The following FAM83G variants were observed in gnomAD, a reference collection of about 807,000 sequenced individuals.
FAM83G encodes protein FAM83G.
FAM83G carries 38 observed loss-of-function variants against 61.5 expected under a neutral mutation model. The observed-to-expected ratio is 0.62, with a 90% CI of 0.48 to 0.81. The LOEUF is 0.81. Among genes scored for constraint, FAM83G ranks in the 30% least tolerant of loss-of-function variants. The pLI, the probability that FAM83G is intolerant of heterozygous loss-of-function variation, is 0.00. For missense variants in FAM83G, 989 were observed against 1,133.6 expected (o/e 0.87, Z 1.83); for synonymous variants, 470 against 476.1 (o/e 0.99, Z 0.17).
chr17:19,001,688 T>C (rs2043732405), intron 2 of FAM83G, among the ~76,000 whole-genome samples: 1 of 152,212 alleles, frequency 6.6e-6, no homozygotes, highest in Admixed American at 6.5e-5. Flanking sequence ...AGGTGGCTCA[T>C]GGGACTGTAC....
intron 3 of FAM83G, among the ~76,000 whole-genome samples, chr17:18,980,629 G>A (rs553163883): frequency 2.6e-5 from 4 of 152,318 alleles, no homozygotes; most frequent in South Asian, 2.1e-4. Context: ...TGTGAGGGAG[G>A]AGCAGATGGT....
At position 18,968,899 on chromosome 17, in the gene FAM83G, C is replaced by T. The variant is rs940779781; in HGVS notation, c.*2460G>A. ...AGGTCTTCCCCCAACCTCACAATGG[C>T]CCCGTGATGCAGGCAGGCAGGCGAG... On this transcript the variant is annotated 3_prime_UTR_variant, in exon 6 of 6. Transcript: ENST00000388995. This position sits in a 1 kb window ranked among gnomAD's most constrained non-coding sequence, Gnocchi z 4.1. 24 of 645,082 alleles carry T rather than the reference C, an allele frequency of 3.7e-5. No homozygotes were observed. The Admixed American group carries it at 4.1e-4, about 11-fold the overall frequency. The allele number at this position is 645,082 out of a possible 1,614,324, so 40.0% of individuals were successfully genotyped here.
At chr17:18,974,118 C>T (rs548227335) in intron 5 of FAM83G, among the ~76,000 whole-genome samples, 9 of 152,238 alleles carry the variant, frequency 5.9e-5, no homozygotes, top group Non-Finnish European at 4.4e-5. Flanking sequence ...GTCTCGAACT[C>T]CTGACCTCGT....
At position 18,977,748 on chromosome 17, in the gene FAM83G, C is replaced by T. The variant is rs572824194; in HGVS notation, c.1918G>A (p.Gly640Arg). Residue 640 changes from glycine (G) to arginine (R), a missense_variant, in exon 5 of 6, where the codon GGG (glycine) becomes AGG (arginine). Around this residue, in one of 3 missense-constraint regions of FAM83G, gnomAD observed 574 missense variants for 645.1 expected, o/e 0.89. Coordinates refer to ENST00000388995, the MANE Select transcript of FAM83G (RefSeq NM_001039999.3). ...TGCCGGCGCGGTGGTGGGGTTGGCCCGTTGGCCACTTGCTCTGAGTGGCGC... is the reference window on the plus strand; with the variant it reads ...TGCCGGCGCGGTGGTGGGGTTGGCCTGTTGGCCACTTGCTCTGAGTGGCGC... ...RRRHSEQVANGPTPPPRRQLS... is the reference protein window; with the variant it reads ...RRRHSEQVANRPTPPPRRQLS... The T allele has an allele frequency of 1.4e-4, 232 of 1,605,686 alleles. 1 individual carries two copies. Among genetic ancestry groups the T allele is most frequent in the East Asian group, 5.4e-4 (24 of 44,818 alleles).
chr17:18,976,697 A>T (rs987664329), intron 5 of FAM83G: 4 of 937,970 alleles, frequency 4.3e-6, no homozygotes, highest in African/African-American at 3.3e-5. Flanking sequence ...TGGGACCCTG[A>T]CAGTATTGGG....
intron 3 of FAM83G, among the ~76,000 whole-genome samples, chr17:18,980,360 C>A (rs989475256): frequency 3.3e-5 from 5 of 152,124 alleles, no homozygotes; most frequent in Admixed American, 3.3e-4. Flanking sequence ...CACTGTTTGG[C>A]CCAGGAGCAG....
At chr17:18,986,107 C>T (rs866664738) in intron 3 of FAM83G, 7 of 152,278 alleles carry the variant, frequency 4.6e-5, no homozygotes, top group African/African-American at 7.2e-5. Context: ...GCCAGTGAGC[C>T]GTGTGGGCAG....
Position 18,978,985 on chromosome 17 carries a change from G to A in FAM83G, c.816-135C>T, listed in dbSNP as rs1472577704. 6.1e-6 allele frequency: 6 copies of A among 986,058 alleles called. No homozygotes were observed. The East Asian group carries it at 7.8e-5, about 13-fold the overall frequency. The allele number at this position is 986,058 out of a possible 1,614,324, so 61.1% of individuals were successfully genotyped here. ...ATCAAGAAGTGAATGGGGGCAGAGAGCAGGTGCATACTGTGGGGTCAGACT... is the reference window on the plus strand; with the variant it reads ...ATCAAGAAGTGAATGGGGGCAGAGAACAGGTGCATACTGTGGGGTCAGACT... On this transcript the variant is annotated intron_variant, in intron 4 of 5. Transcript: ENST00000388995.
intron 2 of FAM83G, among the ~76,000 whole-genome samples, chr17:18,994,172 A>G (rs145961865): frequency 1.2e-3 from 177 of 152,346 alleles, no homozygotes; most frequent in African/African-American, 4.2e-3. Flanking sequence ...TGATGGAATA[A>G]CAGAGACGGA....
At chr17:18,998,073 C>T (rs1381211150) in intron 2 of FAM83G, among the ~76,000 whole-genome samples, 2 of 152,240 alleles carry the variant, frequency 1.3e-5, no homozygotes, top group East Asian at 3.8e-4. Flanking sequence ...CTTCCCACCA[C>T]CCCACATGGC....
chr17:18,969,153 C>CACA lies in FAM83G; in HGVS notation c.*2205_*2206insTGT. ...TCGGCATCACAGCCCTGTACACCAT[C>CACA]GCAGGTATGGTGCCTGCAGCAGGGA... On this transcript the variant is annotated 3_prime_UTR_variant, in exon 6 of 6. Coordinates refer to ENST00000388995, the MANE Select transcript of FAM83G (RefSeq NM_001039999.3). 1 of 1,613,580 alleles carries CACA rather than the reference C, an allele frequency of 6.2e-7. No homozygotes were observed. The highest frequency in any genetic ancestry group is 8.5e-7 in the Non-Finnish European group (1 of 1,179,710).
rs373804510 is a variant in FAM83G, at chr17:18,970,946, G to C, written c.*413C>G. On this transcript the variant is annotated 3_prime_UTR_variant, in exon 6 of 6. Coordinates refer to ENST00000388995, the MANE Select transcript of FAM83G (RefSeq NM_001039999.3). Reference sequence around the variant, plus strand: ...GAAGTTTCTTGTGAGATGAAGGCAGGGGGGAGCCCAGGGAGTCAGGGCCCC... The same window carrying C: ...GAAGTTTCTTGTGAGATGAAGGCAGCGGGGAGCCCAGGGAGTCAGGGCCCC... The C allele has an allele frequency of 1.2e-4, 176 of 1,485,924 alleles. No homozygotes were observed. Among genetic ancestry groups the C allele is most frequent in the Admixed American group, 7.6e-4 (45 of 59,160 alleles). 92.0% of individuals were successfully genotyped at this position (1,485,924 alleles called of 1,614,324 possible). A position where few individuals can be genotyped will look rare whatever the true frequency, so the allele number is the denominator to read the frequency against.
chr17:18,971,026 C>T lies in FAM83G; in HGVS notation c.*333G>A, dbSNP rs745783630. 61 of 1,613,806 alleles carry T rather than the reference C, an allele frequency of 3.8e-5. No homozygotes were observed. The highest frequency in any genetic ancestry group is 3.3e-4 in the Middle Eastern group (2 of 6,084). ...TGACCCCTCCAGCTTTTGACCAGAT[C>T]GGTGGTTACGGGCAGCTGGAGGCAG... On this transcript the variant is annotated 3_prime_UTR_variant, in exon 6 of 6. Transcript: ENST00000388995. This position sits in a 1 kb window ranked among gnomAD's most constrained non-coding sequence, Gnocchi z 5.5.
chr17:18,986,810 G>C (rs2043281657), intron 3 of FAM83G, among the ~76,000 whole-genome samples: 1 of 152,238 alleles, frequency 6.6e-6, no homozygotes, highest in East Asian at 1.9e-4. Flanking sequence ...GGGCCCCACT[G>C]GGGTCTCTTC....
intron 3 of FAM83G, among the ~76,000 whole-genome samples, chr17:18,984,733 T>A (rs2043226486): frequency 6.6e-6 from 1 of 152,206 alleles, no homozygotes; most frequent in Non-Finnish European, 1.5e-5. Flanking sequence ...GGAGCATCCC[T>A]CCACACCCAG....
intron 2 of FAM83G, among the ~76,000 whole-genome samples, chr17:18,998,908 G>A (rs2043642073): frequency 1.3e-5 from 2 of 152,182 alleles, no homozygotes; most frequent in Non-Finnish European, 2.9e-5. Context: ...AGGCCACAGA[G>A]CTCACCCTGT....
chr17:18,980,942 G>C (rs966611338), intron 3 of FAM83G, among the ~76,000 whole-genome samples: 2 of 152,190 alleles, frequency 1.3e-5, no homozygotes, highest in East Asian at 3.9e-4. Flanking sequence ...GAGGGGCTCT[G>C]TGCCGGCTTC....
Position 18,978,790 on chromosome 17 carries a change from C to T in FAM83G, c.876G>A (p.Val292=). 6.2e-7 allele frequency: 1 copy of T among 1,613,006 alleles called. No homozygotes were observed. The highest frequency in any genetic ancestry group is 8.5e-7 in the Non-Finnish European group (1 of 1,180,022). The stretch of plus-strand genomic sequence containing the variant: ...GGAACTGCCGGTCAAACATCTCCAC[C>T]ACCTGGCCAGACAGCACAGAGATCA... The part of the protein sequence containing the change: ...RNVISVLSGQ[V]VEMFDRQFQE... Residue 292 remains valine (V), a synonymous_variant, in exon 5 of 6, where the codon GTG becomes GTA. Transcript: ENST00000388995.
intron 2 of FAM83G, among the ~76,000 whole-genome samples, chr17:18,999,904 C>G (rs2043684273): frequency 6.6e-6 from 1 of 152,202 alleles, no homozygotes; most frequent in Admixed American, 6.5e-5. Context: ...CACCCTGGGG[C>G]TGGTGAGGGA....
Sources: gnomAD v4.1 joint callset for allele counts (sites outside exome capture counted in the v4.1 genomes callset) on GRCh38, gnomAD v4.1.1 for gene constraint, gnomAD v4.1.1 regional missense constraint, Gnocchi (gnomAD v3.1) non-coding constraint, MANE v1.5 for transcripts, NCBI Gene and HGNC (gene_info 2026-07-23, HGNC 2026-07-21) for gene names.